COG6: variants seen among roughly 807,000 people sequenced by gnomAD.
The protein encoded by COG6 is conserved oligomeric Golgi complex subunit 6.
Under a neutral mutation model 88.8 loss-of-function variants are expected in COG6, and 74 were observed. The ratio of observed to expected loss-of-function variants is 0.83; its 90% CI spans 0.69 to 1.01. The LOEUF (loss-of-function observed/expected upper bound fraction) is 1.01. COG6 is among the 50% of genes least tolerant of loss of function. COG6 has a pLI of 0.00. For synonymous variants in COG6, 286 were observed against 278.7 expected, an observed-to-expected ratio of 1.03 and a Z score of -0.26; for missense variants, 800 against 797.9, an observed-to-expected ratio of 1.00 and a Z score of -0.03.
exon 19 of COG6, chr13:39,788,335 G>T (rs375175785): frequency 6.4e-7 from 1 of 1,551,808 alleles, no homozygotes; most frequent in South Asian, 1.2e-5. Context: ...TTGCTCACAG[G>T]CGTCCACCCA....
At chr13:39,787,540 C>CT (rs1881812309) in intron 18 of COG6, among the ~76,000 whole-genome samples, 1 of 152,122 alleles carries the variant, frequency 6.6e-6, no homozygotes, top group South Asian at 2.1e-4. Flanking sequence ...AAATAACTGA[C>CT]TGAGTCCTAT....
At chr13:39,741,748 A>C (rs1324617020) in intron 18 of COG6, among the ~76,000 whole-genome samples, 1 of 152,098 alleles carries the variant, frequency 6.6e-6, no homozygotes, top group African/African-American at 2.4e-5. Context: ...CAGGAAATGC[A>C]AAGAACACCA....
chr13:39,714,215 T>G (rs1199528275), intron 13 of COG6, among the ~76,000 whole-genome samples: 3 of 69,800 alleles, frequency 4.3e-5, no homozygotes, highest in African/African-American at 7.4e-5. Flanking sequence ...CTTGTGTTAA[T>G]TTTTGAAAGT....
intron 18 of COG6, among the ~76,000 whole-genome samples, chr13:39,736,183 A>C (rs1333990725): frequency 6.9e-6 from 1 of 143,914 alleles, no homozygotes. Context: ...TGTGTGCTTC[A>C]TTTTTTTTTT....
At chr13:39,731,353 G>A (rs757688714) in intron 18 of COG6, among the ~76,000 whole-genome samples, 1 of 152,124 alleles carries the variant, frequency 6.6e-6, no homozygotes, top group African/African-American at 2.4e-5. Context: ...AAACAAGGTG[G>A]TATAGGAAAT....
chr13:39,779,823 T>G (rs1490128270), intron 18 of COG6, among the ~76,000 whole-genome samples: 1 of 152,164 alleles, frequency 6.6e-6, no homozygotes, highest in Non-Finnish European at 1.5e-5. Flanking sequence ...ATTTCACCTC[T>G]GAGAATTGAG....
chr13:39,682,213 C>T lies in COG6; in HGVS notation c.737C>T (p.Pro246Leu). 2 of 1,612,684 alleles carry T rather than the reference C, an allele frequency of 1.2e-6. No homozygotes were observed. The highest frequency in any genetic ancestry group is 1.7e-6 in the Non-Finnish European group (2 of 1,178,896). Reference sequence around the variant, plus strand: ...ACACAAGAATCATGTGACGTATCTCCAGTATTGACACAGGCAATGGAAGCC... The same window carrying T: ...ACACAAGAATCATGTGACGTATCTCTAGTATTGACACAGGCAATGGAAGCC... ...TLTQESCDVS[P>L]VLTQAMEALQ... Residue 246 changes from proline to leucine, a missense_variant, in exon 8 of 19, where the codon CCA (proline) becomes CTA (leucine). Transcript: ENST00000455146.
intron 18 of COG6, among the ~76,000 whole-genome samples, chr13:39,787,354 G>A (rs1230659527): frequency 3.3e-5 from 5 of 152,116 alleles, no homozygotes; most frequent in Non-Finnish European, 5.9e-5. Flanking sequence ...CATTTAACTG[G>A]ATTCTGTATC....
chr13:39,681,292 CTCCTT>C (rs1876299594), intron 7 of COG6, among the ~76,000 whole-genome samples: 1 of 152,204 alleles, frequency 6.6e-6, no homozygotes, highest in Admixed American at 6.5e-5. Context: ...TTCTACCTCT[CTCCTT>C]CTTTACATTG....
At chr13:39,755,030 G>A (rs1419423321), downstream of COG6, among the ~76,000 whole-genome samples, 1 of 152,124 alleles carries the variant, frequency 6.6e-6, no homozygotes, top group African/African-American at 2.4e-5. Context: ...TTATGTAATA[G>A]TGTGGTGAGA....
chr13:39,738,306 G>A (rs1879872824), intron 18 of COG6, among the ~76,000 whole-genome samples: 1 of 152,136 alleles, frequency 6.6e-6, no homozygotes, highest in Non-Finnish European at 1.5e-5. Context: ...GAGGGAAGTG[G>A]AAGTTTGGTG....
Position 39,765,299 on chromosome 13 carries a change from G to A in COG6, c.1827-23036G>A, listed in dbSNP as rs147952193. Among the ~76,000 whole-genome samples the A allele has an allele frequency of 1.6e-3, 242 of 152,132 alleles. 1 individual carries two copies. The highest frequency in any genetic ancestry group is 6.8e-3 in the Middle Eastern group (2 of 294). ...ATATGAATTACTGGCAGTTCCATTT[G>A]CTTTGATCCCATGGTAAATTAAGCA... On this transcript the variant is annotated intron_variant, in intron 18 of 18. Coordinates refer to the COG6 transcript ENST00000416691.
chr13:39,669,921 G>C (rs188552343), intron 4 of COG6, among the ~76,000 whole-genome samples: 396 of 152,186 alleles, frequency 2.6e-3, no homozygotes, highest in African/African-American at 9.2e-3. Context: ...TATGATAACA[G>C]GTCTCTGGGG....
chr13:39,727,626 T>A lies in COG6; in HGVS notation c.1826+78T>A, dbSNP rs9548899. On this transcript the variant is annotated intron_variant, in intron 18 of 18. Transcript: ENST00000455146. Reference sequence around the variant, plus strand: ...TCAAGTACATTTTTTTGGAAAAAAATTTATTTTCAAGAATAAATGATTTAC... The same window carrying A: ...TCAAGTACATTTTTTTGGAAAAAAAATTATTTTCAAGAATAAATGATTTAC... 0.25 allele frequency: 263,323 copies of A among 1,054,790 alleles called. 33,770 individuals carry two copies. Among genetic ancestry groups the A allele is most frequent in the African/African-American group, 0.28 (17,622 of 63,432 alleles). The allele number at this position is 1,054,790 out of a possible 1,614,324, so 65.3% of individuals were successfully genotyped here.
chr13:39,726,097 G>A (rs1298644891), intron 17 of COG6, among the ~76,000 whole-genome samples: 2 of 151,884 alleles, frequency 1.3e-5, no homozygotes, highest in African/African-American at 2.4e-5. Context: ...TCTTGCTTGA[G>A]TTTTGTATTT....
At chr13:39,655,916 T>C in intron 1 of COG6, 37 bp downstream of exon 1, 1 of 1,586,976 alleles carries the variant, frequency 6.3e-7, no homozygotes, top group Non-Finnish European at 8.6e-7. Context: ...CACAGGTTCC[T>C]GCGGGGCTGA....
chr13:39,749,064 A>G (rs1045920997), intron 18 of COG6, among the ~76,000 whole-genome samples: 2 of 152,340 alleles, frequency 1.3e-5, no homozygotes, highest in Admixed American at 6.5e-5. Context: ...CTGTGTGACA[A>G]CTTAACACAA....
At chr13:39,715,777 GTAGT>G (rs1878495319) in intron 13 of COG6, among the ~76,000 whole-genome samples, 1 of 151,954 alleles carries the variant, frequency 6.6e-6, no homozygotes. Context: ...TAACTGCTTG[GTAGT>G]TGGTTGTTTC....
At position 39,680,054 on chromosome 13, in the gene COG6, T is replaced by C; in HGVS notation, c.694+9T>C. The C allele has an allele frequency of 6.6e-7, 1 of 1,526,574 alleles. No individual in the cohort carries two copies. The allele number at this position is 1,526,574 out of a possible 1,614,324, so 94.6% of individuals were successfully genotyped here. On this transcript the variant is annotated intron_variant, in intron 7 of 18. Coordinates refer to ENST00000455146, the MANE Select transcript of COG6 (RefSeq NM_020751.3). ...TTACCGATGGGCTCAAAGTAAGTGA[T>C]TTCTTTTATGTTGTCTAGATTCATG...
Sources: allele counts gnomAD v4.1 joint callset (sites outside exome capture counted in the v4.1 genomes callset), GRCh38; gene constraint gnomAD v4.1.1; transcripts MANE v1.5; gene names NCBI Gene and HGNC (gene_info 2026-07-23, HGNC 2026-07-21).